DTYMK: variants seen among roughly 807,000 people sequenced by gnomAD.
DTYMK encodes thymidylate kinase.
In DTYMK, 20 loss-of-function variants were observed where a neutral mutation model predicts 20.3. The ratio of observed to expected loss-of-function variants is 0.99; its 90% CI spans 0.69 to 1.43. The LOEUF (loss-of-function observed/expected upper bound fraction) is 1.43, where lower values mean the gene tolerates loss of function less well. Among genes scored for constraint, DTYMK ranks in the 40% most tolerant of loss-of-function variants. The pLI is 0.00. For missense variants in DTYMK, 320 were observed against 291.1 expected, an observed-to-expected ratio of 1.10 and a Z score of -0.72; for synonymous variants, 148 against 124.4, an observed-to-expected ratio of 1.19 and a Z score of -1.27.
intron 2 of DTYMK, 124 bp downstream of exon 2, chr2:241,685,644 TA>T: frequency 9.4e-7 from 1 of 1,058,334 alleles, no homozygotes; most frequent in Non-Finnish European, 1.4e-6. Context: ...ACAGGACTGC[TA>T]AACAGAAGAA....
At chr2:241,682,172 G>A (rs991443632) in intron 2 of DTYMK, 63 of 442,852 alleles carry the variant, frequency 1.4e-4, no homozygotes, top group Admixed American at 2.4e-4. Flanking sequence ...AGACTCCATC[G>A]CTACAAAAAA....
intron 4 of DTYMK, among the ~76,000 whole-genome samples, chr2:241,677,010 C>T (rs890797555): frequency 1.3e-5 from 2 of 152,218 alleles, no homozygotes; most frequent in Non-Finnish European, 2.9e-5. Context: ...GTGAACGGTG[C>T]GAGGAGCGTG....
At chr2:241,678,770 T>C (rs2069175985) in intron 3 of DTYMK, 121 bp from the exon 4 acceptor site, 3 of 1,118,442 alleles carry the variant, frequency 2.7e-6, no homozygotes, top group East Asian at 5.1e-5. Flanking sequence ...AGACTGTTTA[T>C]ATTGTGGCTC....
In DTYMK at chr2:241,685,481, C is replaced by T. The variant is rs568054490; in HGVS notation, c.239+288G>A. The T allele has an allele frequency of 8.7e-4, 211 of 241,318 alleles. 2 individuals carry two copies. Among genetic ancestry groups the T allele is most frequent in the African/African-American group, 4.2e-3 (190 of 44,920 alleles). 14.9% of individuals were successfully genotyped at this position (241,318 alleles called of 1,614,324 possible). On this transcript the variant is annotated intron_variant, in intron 2 of 4. Transcript: ENST00000305784. ...CTGGGAGGCGGAGGTTGCAGTGAGCCGAGATCACACCTCTGCCTGGCGACA... is the reference window on the plus strand; with the variant it reads ...CTGGGAGGCGGAGGTTGCAGTGAGCTGAGATCACACCTCTGCCTGGCGACA...
rs1240282029 is a variant in DTYMK, at chr2:241,685,669, A to G, written c.239+100T>C. 4 of 1,271,358 alleles carry G rather than the reference A, an allele frequency of 3.1e-6. No individual in the cohort carries two copies. In the African/African-American group the frequency reaches 5.9e-5, roughly 19 times the overall value. 78.8% of individuals were successfully genotyped at this position (1,271,358 alleles called of 1,614,324 possible). On this transcript the variant is annotated intron_variant, in intron 2 of 4. Transcript: ENST00000305784. ...TAAACAGAAGAACATCAGGCCCAGCACTACTGTCACTGTCATTCAGAATCG... is the reference window on the plus strand; with the variant it reads ...TAAACAGAAGAACATCAGGCCCAGCGCTACTGTCACTGTCATTCAGAATCG...
chr2:241,677,029 A>G (rs965694492), intron 4 of DTYMK, among the ~76,000 whole-genome samples: 1 of 152,260 alleles, frequency 6.6e-6, no homozygotes, highest in Non-Finnish European at 1.5e-5. Flanking sequence ...TGGGGAGGGC[A>G]TAAGCCCGCA....
chr2:241,684,443 G>A (rs1371412149), intron 2 of DTYMK, among the ~76,000 whole-genome samples: 1 of 152,188 alleles, frequency 6.6e-6, no homozygotes, highest in Non-Finnish European at 1.5e-5. Flanking sequence ...AGTGTTTCAT[G>A]TAACACGGAT....
At chr2:241,678,799 C>T in intron 3 of DTYMK, 150 bp from the exon 4 acceptor site, 2 of 897,214 alleles carry the variant, frequency 2.2e-6, no homozygotes, top group Non-Finnish European at 1.7e-6. Context: ...TTTAGAACCT[C>T]AAACGTGTCG....
Position 241,686,661 on chromosome 2 carries a change from C to A in DTYMK, c.123G>T (p.Arg41=). The change falls in exon 1 of 5, where the codon CGG becomes CGT. Residue 41 remains arginine (R), a synonymous_variant. Transcript: ENST00000305784. ...CAAGHRAELL[R]FPERSTEIGK... ...CCCGCCGCGCGCACCCACCCGGGAA[C>A]CGGAGCAGTTCGGCGCGGTGGCCCG... 6.6e-7 allele frequency: 1 copy of A among 1,520,300 alleles called. No individual in the cohort carries two copies. The highest frequency in any genetic ancestry group is 2.6e-5 in the East Asian group (1 of 38,472). 94.2% of individuals were successfully genotyped at this position (1,520,300 alleles called of 1,614,324 possible).
chr2:241,679,691 G>C (rs564986990), intron 3 of DTYMK, among the ~76,000 whole-genome samples: 31 of 152,248 alleles, frequency 2.0e-4, no homozygotes, highest in Non-Finnish European at 4.4e-4. Context: ...TCTGGAGGCT[G>C]GGTGCAGTGG....
intron 2 of DTYMK, among the ~76,000 whole-genome samples, chr2:241,680,746 T>C (rs1393169171): frequency 6.6e-6 from 1 of 152,154 alleles, no homozygotes; most frequent in Non-Finnish European, 1.5e-5. Flanking sequence ...AGCACAGTGA[T>C]TTGTAACCTT....
intron 4 of DTYMK, among the ~76,000 whole-genome samples, chr2:241,677,190 G>A (rs547249480): frequency 1.1e-3 from 166 of 152,332 alleles, no homozygotes; most frequent in African/African-American, 3.8e-3. Flanking sequence ...CAGGGGCGTA[G>A]AAGGCACTTG....
intron 1 of DTYMK, among the ~76,000 whole-genome samples, chr2:241,686,385 T>C (rs2069405274): frequency 6.6e-6 from 1 of 152,160 alleles, no homozygotes; most frequent in Non-Finnish European, 1.5e-5. Flanking sequence ...ACACGCAGCG[T>C]GGACCGGGCG....
intron 2 of DTYMK, among the ~76,000 whole-genome samples, chr2:241,684,195 G>A (rs566033694): frequency 2.0e-5 from 3 of 152,206 alleles, no homozygotes; most frequent in South Asian, 4.1e-4. Context: ...TGGGTACCTG[G>A]GATAAGATTA....
Position 241,678,654 on chromosome 2 carries a change from CAAGA to C in DTYMK, c.331-9_331-6del, listed in dbSNP as rs751903399. The C allele has an allele frequency of 6.2e-7, 1 of 1,613,852 alleles. No individual in the cohort carries two copies. ...ACACCAATCTAGGGAAAAATTCTGCCAAGAAAGAACCCAACAGTTAAAGCTTAGT... is the reference window on the plus strand; with the variant it reads ...ACACCAATCTAGGGAAAAATTCTGCCAAGAACCCAACAGTTAAAGCTTAGT... On this transcript the variant is annotated splice_region_variant and splice_polypyrimidine_tract_variant and intron_variant, in intron 3 of 4. Coordinates refer to ENST00000305784, the MANE Select transcript of DTYMK (RefSeq NM_012145.4).
chr2:241,676,354 G>C (rs368958871), intron 4 of DTYMK, 117 bp from the exon 5 acceptor site: 29 of 920,036 alleles, frequency 3.2e-5, no homozygotes, highest in East Asian at 2.0e-4. Context: ...AGGACTGCTT[G>C]TACCCAGGAG....
At chr2:241,682,052 A>T (rs1559286576) in intron 2 of DTYMK, 7 of 324,038 alleles carry the variant, frequency 2.2e-5, no homozygotes, top group South Asian at 1.6e-4. Flanking sequence ...CCTAAAAAAA[A>T]ATAAGGCCAG....
At chr2:241,680,849 T>C (rs1463851895) in intron 2 of DTYMK, among the ~76,000 whole-genome samples, 8 of 152,090 alleles carry the variant, frequency 5.3e-5, no homozygotes, top group African/African-American at 1.9e-4. Flanking sequence ...CCTTACTAAA[T>C]AGTAACAAAC....
intron 4 of DTYMK, among the ~76,000 whole-genome samples, chr2:241,678,027 G>T (rs1327050835): frequency 6.6e-6 from 1 of 152,164 alleles, no homozygotes; most frequent in Non-Finnish European, 1.5e-5. Flanking sequence ...TATAATCCCA[G>T]CACTTTGGGA....
Sources: allele counts gnomAD v4.1 joint callset (sites outside exome capture counted in the v4.1 genomes callset), GRCh38; gene constraint gnomAD v4.1.1; transcripts MANE v1.5; gene names NCBI Gene and HGNC (gene_info 2026-07-23, HGNC 2026-07-21).